RBFOX1: variants seen among roughly 807,000 people sequenced by gnomAD.
The protein encoded by RBFOX1 is RNA binding protein fox-1 homolog 1.
A neutral mutation model predicts 57.7 loss-of-function variants in RBFOX1; 8 were observed. The observed-to-expected ratio is 0.14, with a 90% CI of 0.08 to 0.25. The LOEUF is 0.25. RBFOX1 is among the 10% of genes least tolerant of loss of function. The pLI, the probability that RBFOX1 is intolerant of heterozygous loss-of-function variation, is 1.00. For synonymous variants in RBFOX1, 326 were observed against 222.4 expected (o/e 1.47, Z -4.15); for missense variants, 611 against 548.5 (o/e 1.11, Z -1.14).
At chr16:5,338,997 A>G (rs913056257) in intron 1 of RBFOX1, among the ~76,000 whole-genome samples, 10 of 152,260 alleles carry the variant, frequency 6.6e-5, no homozygotes, top group Admixed American at 1.3e-4. Flanking sequence ...CCACATATAA[A>G]TTACCTCACT....
chr16:5,943,166 C>T (rs1270362095), intron 4 of RBFOX1, among the ~76,000 whole-genome samples: 4 of 152,198 alleles, frequency 2.6e-5, no homozygotes, highest in Non-Finnish European at 5.9e-5. Context: ...CCTCCATATG[C>T]CCAAGCCAGT....
chr16:5,675,821 GC>G (rs1251634441), intron 3 of RBFOX1, among the ~76,000 whole-genome samples: 1 of 152,170 alleles, frequency 6.6e-6, no homozygotes, highest in African/African-American at 2.4e-5. Context: ...CCTGGAAGTT[GC>G]AGCAGACATT....
intron 5 of RBFOX1, among the ~76,000 whole-genome samples, chr16:7,543,612 A>C (rs566984902): frequency 6.6e-6 from 1 of 151,586 alleles, no homozygotes; most frequent in Non-Finnish European, 1.5e-5. Context: ...ACCATTGCTT[A>C]AGGATTTCTT....
At chr16:5,973,533 C>G (rs576314850) in intron 4 of RBFOX1, among the ~76,000 whole-genome samples, 2 of 152,228 alleles carry the variant, frequency 1.3e-5, no homozygotes, top group South Asian at 2.1e-4. Flanking sequence ...ATATGAAGGA[C>G]CAGTCTCGAT....
At chr16:7,103,822 G>A (rs1449545209) in intron 4 of RBFOX1, among the ~76,000 whole-genome samples, 1 of 152,104 alleles carries the variant, frequency 6.6e-6, no homozygotes, top group Admixed American at 6.5e-5. Context: ...GACTTCAAGT[G>A]CCTTTAACTC....
intron 4 of RBFOX1, among the ~76,000 whole-genome samples, chr16:7,498,493 T>C (rs2069464359): frequency 6.6e-6 from 1 of 151,908 alleles, no homozygotes; most frequent in Non-Finnish European, 1.5e-5. Context: ...CAAAACAAAA[T>C]GCGTGATTTT....
At position 7,054,222 on chromosome 16, in the gene RBFOX1, G is replaced by GGGGA. The variant is rs2051183780; in HGVS notation, c.27+2127_27+2128insAGGG. On this transcript the variant is annotated intron_variant, in intron 4 of 15. Transcript: ENST00000550418. ...AGGTGATTTTTTTTTTCGGGGGGGG[G>GGGGA]GGGCGGGGAGCTTTTTTTTTTTTTT... 3.0e-5 allele frequency among the ~76,000 whole-genome samples: 3 copies of GGGGA among 101,560 alleles called. No homozygotes were observed. In the East Asian group the frequency reaches 1.0e-3, roughly 35 times the overall value. The allele number at this position is 101,560 out of a possible 152,430, so 66.6% of individuals were successfully genotyped here. A position where few individuals can be genotyped will look rare whatever the true frequency, so the allele number is the denominator to read the frequency against.
intron 1 of RBFOX1, chr16:5,289,193 A>G (rs1431728192): frequency 1.6e-5 from 5 of 304,758 alleles, no homozygotes; most frequent in Non-Finnish European, 2.6e-5. Context: ...CCTCCCCTCT[A>G]TCCTTATCTG....
chr16:5,908,207 CAT>C lies in RBFOX1; in HGVS notation c.351+40880_351+40881del, dbSNP rs528394401. Among the ~76,000 whole-genome samples, 26 of 144,862 alleles carry C rather than the reference CAT, an allele frequency of 1.8e-4. 1 individual carries two copies. Among genetic ancestry groups the C allele is most frequent in the South Asian group, 8.5e-4 (4 of 4,692 alleles). On this transcript the variant is annotated intron_variant, in intron 4 of 19. Coordinates refer to the RBFOX1 transcript ENST00000641259. ...ATATACACATATATACATATACACACATATATATACATATATACACACATATA... is the reference window on the plus strand; with the variant it reads ...ATATACACATATATACATATACACACATATATACATATATACACACATATA...
At chr16:5,473,087 C>G (rs546930798) in intron 2 of RBFOX1, among the ~76,000 whole-genome samples, 2 of 152,360 alleles carry the variant, frequency 1.3e-5, no homozygotes, top group African/African-American at 4.8e-5. Context: ...ACTTTGATGA[C>G]TGCCCTGGCT....
intron 4 of RBFOX1, among the ~76,000 whole-genome samples, chr16:7,429,004 G>C (rs962414908): frequency 6.6e-6 from 1 of 152,130 alleles, no homozygotes; most frequent in Non-Finnish European, 1.5e-5. Flanking sequence ...GATTTCTATT[G>C]TTGTCCTTGA....
chr16:5,748,304 C>G (rs1482098700), intron 3 of RBFOX1, among the ~76,000 whole-genome samples: 1 of 152,036 alleles, frequency 6.6e-6, no homozygotes, highest in Non-Finnish European at 1.5e-5. Context: ...ACTATGTGGT[C>G]AATTTTGGAA....
At position 5,988,117 on chromosome 16, in the gene RBFOX1, C is replaced by T. The variant is rs116810137; in HGVS notation, c.351+120782C>T. On this transcript the variant is annotated intron_variant, in intron 4 of 19. Coordinates refer to the RBFOX1 transcript ENST00000641259. ...CAGAAAATTCAGACCCGATTCAATT[C>T]GCATTCTATCTTGGGACTTCTCTTT... is the stretch of plus-strand genomic sequence containing the variant. Among the ~76,000 whole-genome samples the T allele has an allele frequency of 4.7e-3, 712 of 152,278 alleles. 5 individuals are homozygous for T. Among genetic ancestry groups the T allele is most frequent in the African/African-American group, 0.016 (683 of 41,546 alleles).
intron 4 of RBFOX1, among the ~76,000 whole-genome samples, chr16:5,894,626 A>G (rs911357619): frequency 5.3e-5 from 8 of 152,302 alleles, no homozygotes; most frequent in African/African-American, 1.9e-4. Flanking sequence ...TATATACATC[A>G]GAGCCCTGAG....
chr16:7,278,187 G>C (rs1457860479), intron 4 of RBFOX1, among the ~76,000 whole-genome samples: 1 of 152,118 alleles, frequency 6.6e-6, no homozygotes, highest in Non-Finnish European at 1.5e-5. Flanking sequence ...GGTTGATATG[G>C]TTATACTTGG....
chr16:6,298,051 C>T (rs1400411456), intron 1 of RBFOX1, among the ~76,000 whole-genome samples: 2 of 152,194 alleles, frequency 1.3e-5, no homozygotes, highest in East Asian at 3.9e-4. Context: ...TGCAAATAGG[C>T]AGAGGGTCTG....
chr16:5,577,547 G>A (rs1298608343), intron 2 of RBFOX1, among the ~76,000 whole-genome samples: 1 of 152,056 alleles, frequency 6.6e-6, no homozygotes, highest in Non-Finnish European at 1.5e-5. Context: ...CCCAGCACGG[G>A]GCCTTGTGCT....
At chr16:7,542,798 C>G (rs1258646014) in intron 5 of RBFOX1, among the ~76,000 whole-genome samples, 1 of 115,884 alleles carries the variant, frequency 8.6e-6, no homozygotes, top group East Asian at 2.2e-4. Flanking sequence ...ACCTGGGAGG[C>G]AAGACTGTCT....
chr16:5,326,027 C>T (rs1021836193), intron 1 of RBFOX1, among the ~76,000 whole-genome samples: 5 of 152,176 alleles, frequency 3.3e-5, no homozygotes, highest in Non-Finnish European at 7.4e-5. Flanking sequence ...ATTTAGCTTA[C>T]ATACTTATAT....
Sources: gnomAD v4.1 joint callset for allele counts (sites outside exome capture counted in the v4.1 genomes callset) on GRCh38, gnomAD v4.1.1 for gene constraint, MANE v1.5 for transcripts, NCBI Gene and HGNC (gene_info 2026-07-23, HGNC 2026-07-21) for gene names.